The following RGS3 variants were observed in gnomAD, a reference collection of about 807,000 sequenced individuals.
The protein encoded by RGS3 is regulator of G protein signaling 3.
A neutral mutation model predicts 132.6 loss-of-function variants in RGS3; 80 were observed. The ratio of observed to expected loss-of-function variants is 0.60; its 90% CI spans 0.50 to 0.73. The LOEUF (loss-of-function observed/expected upper bound fraction) is 0.73. RGS3 is among the 30% of genes least tolerant of loss of function. The probability of loss-of-function intolerance (pLI) is 0.00; values close to 1 mark genes in which losing one functional copy is unlikely to be tolerated. For synonymous variants in RGS3, 598 were observed against 620.6 expected, an observed-to-expected ratio of 0.96 and a Z score of 0.54; for missense variants, 1,382 against 1,530.8, an observed-to-expected ratio of 0.90 and a Z score of 1.62.
intron 15 of RGS3, among the ~76,000 whole-genome samples, chr9:113,515,429 A>C (rs1831603840): frequency 6.6e-6 from 1 of 152,110 alleles, no homozygotes; most frequent in African/African-American, 2.4e-5. Flanking sequence ...TCAGGAGTTC[A>C]AGACCAGCCT....
chr9:113,564,617 TC>T (rs1833916376), intron 19 of RGS3, among the ~76,000 whole-genome samples: 1 of 152,134 alleles, frequency 6.6e-6, no homozygotes, highest in African/African-American at 2.4e-5. Context: ...CTTGGGGATG[TC>T]TCTGTCATTC....
rs1280678024 is a variant in RGS3, at chr9:113,507,016, G to T, written c.1086-271G>T. ...TATCTTGCTTTTGATAAGCATCATG[G>T]ATTGAGTATGGAACTCTTTCCTGTT... On this transcript the variant is annotated intron_variant, in intron 12 of 24. Transcript: ENST00000350696. This position sits in a 1 kb window ranked among gnomAD's most constrained non-coding sequence, Gnocchi z 5.0. 6.6e-6 allele frequency among the ~76,000 whole-genome samples: 1 copy of T among 152,170 alleles called. No homozygotes were observed. The highest frequency in any genetic ancestry group is 1.9e-4 in the East Asian group (1 of 5,190).
intron 18 of RGS3, among the ~76,000 whole-genome samples, chr9:113,532,378 A>AAG (rs57797072): frequency 4.0e-5 from 6 of 150,518 alleles, no homozygotes; most frequent in Non-Finnish European, 8.9e-5. Context: ...TGGCTTGGCC[A>AAG]AGAGAGAGAG....
Position 113,463,075 on chromosome 9 carries a change from CCT to C in RGS3, c.415+877_415+878del. Among the ~76,000 whole-genome samples the C allele has an allele frequency of 6.6e-6, 1 of 152,324 alleles. No individual in the cohort carries two copies. The highest frequency in any genetic ancestry group is 1.5e-5 in the Non-Finnish European group (1 of 68,018). ...CACCCCACTCCGTTTCCTGTGCGTT[CCT>C]CTTTCTCAGAGGCTGTGGGCCTGTC... On this transcript the variant is annotated intron_variant, in intron 3 of 24. Coordinates refer to ENST00000350696, the Ensembl canonical transcript of RGS3. This position sits in a 1 kb window ranked among gnomAD's most constrained non-coding sequence, Gnocchi z 4.6.
chr9:113,448,081 C>T (rs1829153474), intron 1 of RGS3, among the ~76,000 whole-genome samples: 1 of 152,082 alleles, frequency 6.6e-6, no homozygotes, highest in Non-Finnish European at 1.5e-5. Flanking sequence ...TGATCTCAAA[C>T]TCCTGGGCTC....
upstream of RGS3, among the ~76,000 whole-genome samples, chr9:113,459,210 T>C (rs1829418642): frequency 6.6e-6 from 1 of 152,238 alleles, no homozygotes; most frequent in African/African-American, 2.4e-5. Context: ...CTGAAATAGT[T>C]AAAACTACAT....
At chr9:113,481,538 C>T (rs1830158581) in intron 4 of RGS3, among the ~76,000 whole-genome samples, 2 of 152,246 alleles carry the variant, frequency 1.3e-5, no homozygotes, top group African/African-American at 4.8e-5. Flanking sequence ...TGTTCTCTGC[C>T]TGCCAGGGCC....
At chr9:113,523,975 C>T (rs1832084489) in intron 17 of RGS3, among the ~76,000 whole-genome samples, 1 of 152,222 alleles carries the variant, frequency 6.6e-6, no homozygotes, top group Non-Finnish European at 1.5e-5. Context: ...ACAACTTCTC[C>T]ATCTCGGGCT....
intron 4 of RGS3, among the ~76,000 whole-genome samples, chr9:113,481,708 G>C (rs888334254): frequency 6.6e-6 from 1 of 152,192 alleles, no homozygotes; most frequent in African/African-American, 2.4e-5. Context: ...TTGCACCTCA[G>C]ACTACTGGGA....
chr9:113,543,150 A>G (rs772448855), intron 19 of RGS3, among the ~76,000 whole-genome samples: 1 of 152,244 alleles, frequency 6.6e-6, no homozygotes, highest in South Asian at 2.1e-4. Flanking sequence ...AGTCACTTGC[A>G]TAGGAAAAGA....
chr9:113,573,134 G>T (rs1473554912), intron 19 of RGS3, among the ~76,000 whole-genome samples: 1 of 152,182 alleles, frequency 6.6e-6, no homozygotes, highest in Non-Finnish European at 1.5e-5. Flanking sequence ...TGAGGAAATC[G>T]AGCCTGAATA....
intron 20 of RGS3, among the ~76,000 whole-genome samples, chr9:113,586,240 G>A (rs1835113347): frequency 6.6e-6 from 1 of 152,216 alleles, no homozygotes; most frequent in South Asian, 2.1e-4. Flanking sequence ...CTCTTTGGAG[G>A]GCGGTTGAGG....
At chr9:113,447,574 C>T (rs1829141405) in intron 1 of RGS3, among the ~76,000 whole-genome samples, 1 of 151,328 alleles carries the variant, frequency 6.6e-6, no homozygotes, top group Non-Finnish European at 1.5e-5. Context: ...CTCTTCTCTG[C>T]CTCTCATTCA....
chr9:113,524,892 T>G (rs1421288329), intron 17 of RGS3, among the ~76,000 whole-genome samples: 1 of 152,168 alleles, frequency 6.6e-6, no homozygotes, highest in East Asian at 1.9e-4. Context: ...TGGGGTGTGC[T>G]CCATCCTCCA....
chr9:113,475,245 G>T, intron 3 of RGS3, among the ~76,000 whole-genome samples: 1 of 152,072 alleles, frequency 6.6e-6, no homozygotes, highest in South Asian at 2.1e-4. Flanking sequence ...GCCCAACTGC[G>T]ATCTCATGGG....
chr9:113,546,958 G>T (rs1833141715), intron 19 of RGS3, among the ~76,000 whole-genome samples: 1 of 152,282 alleles, frequency 6.6e-6, no homozygotes, highest in Non-Finnish European at 1.5e-5. Context: ...CCTTTACCAA[G>T]AAAAATGAGG....
At chr9:113,509,793 G>A (rs1018225473) in intron 14 of RGS3, among the ~76,000 whole-genome samples, 13 of 152,106 alleles carry the variant, frequency 8.5e-5, no homozygotes, top group African/African-American at 2.7e-4. Flanking sequence ...GGTGTGAAGC[G>A]CTCCCATCAG....
chr9:113,505,206 A>C, intron 10 of RGS3: 1 of 556,064 alleles, frequency 1.8e-6, no homozygotes, highest in South Asian at 2.3e-5. Flanking sequence ...GGCCCTCCCC[A>C]CATCAGCCTG....
At chr9:113,597,045 A>T in exon 25 of RGS3, 2 of 1,138,226 alleles carry the variant, frequency 1.8e-6, no homozygotes, top group Non-Finnish European at 2.5e-6. Context: ...GGGGGCAAGC[A>T]AGCCCCCAGA....
Sources: allele counts gnomAD v4.1 joint callset (sites outside exome capture counted in the v4.1 genomes callset), GRCh38; gene constraint gnomAD v4.1.1; non-coding constraint Gnocchi (gnomAD v3.1); transcripts MANE v1.5; gene names NCBI Gene and HGNC (gene_info 2026-07-23, HGNC 2026-07-21).